Variants in ST6GAL2 observed in about 807,000 individuals in gnomAD.
The protein encoded by ST6GAL2 is beta-galactoside alpha-2,6-sialyltransferase 2.
ST6GAL2 carries 24 observed loss-of-function variants against 37.5 expected under a neutral mutation model. The ratio of observed to expected loss-of-function variants is 0.64; its 90% confidence interval spans 0.46 to 0.90. The LOEUF (loss-of-function observed/expected upper bound fraction) is 0.90. Ranked by LOEUF, ST6GAL2 falls within the 40% of genes least tolerant of loss-of-function variation. The pLI is 0.00. For missense variants in ST6GAL2, 715 were observed against 712.7 expected, an observed-to-expected ratio of 1.00 and a Z score of -0.04; for synonymous variants, 306 against 295.1, an observed-to-expected ratio of 1.04 and a Z score of -0.38.
At position 106,843,805 on chromosome 2, in the gene ST6GAL2, T is replaced by C. The variant is rs1293048731; in HGVS notation, c.173A>G (p.Gln58Arg). ...ATGTGCGGCGCCCATGATGGCCCGC[T>C]GCTTCCCCTGCACCGGCAGGAGCCT... ...TRRLLPVQGK[Q>R]RAIMGAAHEP... Residue 58 changes from glutamine (Q) to arginine (R), a missense_variant, in exon 2 of 6, where the codon CAG becomes CGG. Around this residue, in one of 3 missense-constraint regions of ST6GAL2, gnomAD observed 512 missense variants for 488.8 expected, o/e 1.05. Transcript: ENST00000409382. 1.2e-6 allele frequency: 2 copies of C among 1,611,194 alleles called. No homozygotes were observed. The highest frequency in any genetic ancestry group is 2.7e-5 in the African/African-American group (2 of 74,876).
intron 4 of ST6GAL2, 37 bp from the exon 5 acceptor site, chr2:106,830,277 A>C (rs1676369018): frequency 3.2e-6 from 5 of 1,571,962 alleles, no homozygotes; most frequent in Non-Finnish European, 4.3e-6. Flanking sequence ...AAGTAGAAAG[A>C]ACTAAACTAT....
chr2:106,826,365 A>G (rs1251075995), intron 5 of ST6GAL2, among the ~76,000 whole-genome samples: 1 of 152,116 alleles, frequency 6.6e-6, no homozygotes, highest in East Asian at 1.9e-4. Flanking sequence ...AGCAGGGGCA[A>G]GAGACAGAGT....
Position 106,830,241 on chromosome 2 carries a change from C to A in ST6GAL2, c.1144-1G>T, listed in dbSNP as rs1334364248. On this transcript the variant is annotated splice_acceptor_variant, in intron 4 of 5. Transcript: ENST00000409382. LOFTEE classifies it high-confidence loss of function. ...GGTTGTAATCCGGTTTTTTGTACCA[C>A]TAAGGAAAAAAAAATCAATGCAGTC... 3.8e-6 allele frequency: 6 copies of A among 1,599,134 alleles called. No individual in the cohort carries two copies. The highest frequency in any genetic ancestry group is 1.4e-5 in the African/African-American group (1 of 73,970).
chr2:106,869,883 G>A (rs1036751163), intron 1 of ST6GAL2, among the ~76,000 whole-genome samples: 9 of 152,168 alleles, frequency 5.9e-5, no homozygotes, highest in African/African-American at 2.2e-4. Context: ...TGAACAGAGG[G>A]CCCTGCCCAC....
chr2:106,868,580 C>T (rs12623653), intron 1 of ST6GAL2, among the ~76,000 whole-genome samples: 11,732 of 152,266 alleles, frequency 0.077, 1,058 homozygotes, highest in East Asian at 0.46. Context: ...CCGGAAGCCT[C>T]TAGCAGTGCT....
rs535839882 is a variant in ST6GAL2, at chr2:106,842,874, A to G, written c.943+161T>C. Among the ~76,000 whole-genome samples, 81 of 152,236 alleles carry G rather than the reference A, an allele frequency of 5.3e-4. 2 individuals are homozygous for G. In the South Asian group the frequency reaches 0.016, roughly 30 times the overall value. ...CAGGCAGACTCATTCTGTGCCAGCA[A>G]TGGGAAAGCACCTGAAGAATCTCCA... On this transcript the variant is annotated intron_variant, in intron 2 of 5. Coordinates refer to ENST00000409382, the MANE Select transcript of ST6GAL2 (RefSeq NM_001142351.2).
Position 106,843,675 on chromosome 2 carries a change from C to T in ST6GAL2, c.303G>A (p.Gln101=), listed in dbSNP as rs181699937. 15 of 1,613,364 alleles carry T rather than the reference C, an allele frequency of 9.3e-6. No individual in the cohort carries two copies. In the East Asian group the frequency reaches 3.3e-4, roughly 36 times the overall value. Residue 101 remains glutamine (Q), a synonymous_variant, in exon 2 of 6, where the codon CAG becomes CAA. Coordinates refer to ENST00000409382, the MANE Select transcript of ST6GAL2 (RefSeq NM_001142351.2). ...AGPGDLQKWA[Q]SQDGFEHKEF... is the part of the protein sequence containing the mutation. ...CTTTATGTTCAAACCCATCTTGGGA[C>T]TGGGCCCATTTCTGCAGGTCTCCAG...
At chr2:106,850,321 G>A (rs1227194834) in intron 1 of ST6GAL2, among the ~76,000 whole-genome samples, 1 of 152,118 alleles carries the variant, frequency 6.6e-6, no homozygotes, top group Non-Finnish European at 1.5e-5. Context: ...CGCTGTGCTG[G>A]GAAGTAGAAA....
At chr2:106,838,412 G>T (rs1027568791) in intron 2 of ST6GAL2, among the ~76,000 whole-genome samples, 14 of 152,176 alleles carry the variant, frequency 9.2e-5, no homozygotes, top group African/African-American at 3.4e-4. Context: ...ACTAGAGAAT[G>T]GCCTGCCTGG....
At chr2:106,827,867 A>G (rs1193297089) in intron 5 of ST6GAL2, among the ~76,000 whole-genome samples, 3 of 152,172 alleles carry the variant, frequency 2.0e-5, no homozygotes, top group Non-Finnish European at 2.9e-5. Flanking sequence ...TCCATTTCTC[A>G]TCTGTGGATA....
At chr2:106,854,367 A>C (rs1021653544) in intron 1 of ST6GAL2, among the ~76,000 whole-genome samples, 1 of 152,244 alleles carries the variant, frequency 6.6e-6, no homozygotes, top group African/African-American at 2.4e-5. Context: ...GAATGAATAA[A>C]GTAATGTGCT....
intron 5 of ST6GAL2, among the ~76,000 whole-genome samples, chr2:106,814,754 TA>T (rs1675737819): frequency 6.6e-6 from 1 of 152,194 alleles, no homozygotes; most frequent in African/African-American, 2.4e-5. Context: ...CACTCACCTA[TA>T]AAAATATGTC....
chr2:106,811,930 G>A (rs78619110), intron 5 of ST6GAL2, among the ~76,000 whole-genome samples: 4,774 of 152,180 alleles, frequency 0.031, 100 homozygotes, highest in South Asian at 0.09. Flanking sequence ...AACCAGGTGC[G>A]AGCTTCAAGA....
intron 1 of ST6GAL2, among the ~76,000 whole-genome samples, chr2:106,856,495 G>T (rs151254943): frequency 6.6e-6 from 1 of 152,178 alleles, no homozygotes; most frequent in African/African-American, 2.4e-5. Context: ...TCATCTCCAG[G>T]ACAAAAGCTT....
chr2:106,878,232 G>A (rs745677842), intron 1 of ST6GAL2, among the ~76,000 whole-genome samples: 2 of 152,222 alleles, frequency 1.3e-5, no homozygotes, highest in Non-Finnish European at 2.9e-5. Context: ...GGGGGTTGAG[G>A]CGGGAGGATC....
intron 2 of ST6GAL2, among the ~76,000 whole-genome samples, chr2:106,836,773 CAAAAAAAAA>C (rs70956213): frequency 1.4e-5 from 1 of 70,262 alleles, no homozygotes; most frequent in Non-Finnish European, 2.6e-5. Context: ...ACTAAAAATA[CAAAAAAAAA>C]AAAAAAAAAA....
intron 1 of ST6GAL2, among the ~76,000 whole-genome samples, chr2:106,865,558 T>C (rs1677990781): frequency 2.0e-5 from 3 of 152,166 alleles, no homozygotes; most frequent in Admixed American, 1.3e-4. Flanking sequence ...TAGTAAGCAA[T>C]AGCAAAATTC....
At position 106,861,208 on chromosome 2, in the gene ST6GAL2, A is replaced by G. The variant is rs76713414; in HGVS notation, c.-57-17174T>C. Among the ~76,000 whole-genome samples, 577 of 152,334 alleles carry G rather than the reference A, an allele frequency of 3.8e-3. 7 individuals carry two copies. The highest frequency in any genetic ancestry group is 0.014 in the African/African-American group (567 of 41,570). ...TGTGTGTCTCTGAGATGACACCAAG[A>G]ATCACAAAGCCTGAGGAATTCTGCT... On this transcript the variant is annotated intron_variant, in intron 1 of 5. Transcript: ENST00000409382.
At chr2:106,824,227 CAAG>C (rs1190979869) in intron 5 of ST6GAL2, among the ~76,000 whole-genome samples, 2 of 152,172 alleles carry the variant, frequency 1.3e-5, no homozygotes, top group Non-Finnish European at 2.9e-5. Context: ...TGTCATTTCA[CAAG>C]AAGTTTTAAG....
Sources: allele counts gnomAD v4.1 joint callset (sites outside exome capture counted in the v4.1 genomes callset), GRCh38; gene constraint gnomAD v4.1.1; regional missense constraint gnomAD v4.1.1; transcripts MANE v1.5; gene names NCBI Gene and HGNC (gene_info 2026-07-23, HGNC 2026-07-21).